CADM1: variants seen among roughly 807,000 people sequenced by gnomAD.
The protein encoded by CADM1 is TSLC-1.
Under a neutral mutation model 53.1 loss-of-function variants are expected in CADM1, and 15 were observed. That is an observed-to-expected ratio of 0.28 (90% CI 0.19 to 0.44). The LOEUF is 0.44. CADM1 is among the 20% of genes least tolerant of loss of function. The probability of loss-of-function intolerance (pLI) is 1.00; values close to 1 mark genes in which losing one functional copy is unlikely to be tolerated. For synonymous variants in CADM1, 281 were observed against 243.0 expected (o/e 1.16, Z -1.45); for missense variants, 434 against 611.3 (o/e 0.71, Z 3.06).
chr11:115,333,102 C>A, intron 1 of CADM1, among the ~76,000 whole-genome samples: 1 of 152,060 alleles, frequency 6.6e-6, no homozygotes. Flanking sequence ...TTAGCAAATT[C>A]CTCCCCTCTT....
intron 9 of CADM1, among the ~76,000 whole-genome samples, chr11:115,195,325 G>A (rs575095249): frequency 1.3e-5 from 2 of 152,152 alleles, no homozygotes; most frequent in East Asian, 3.9e-4. Flanking sequence ...ATAAACAACT[G>A]GTATAAACTT....
chr11:115,486,740 T>C (rs1292656269), intron 1 of CADM1, among the ~76,000 whole-genome samples: 1 of 152,206 alleles, frequency 6.6e-6, no homozygotes, highest in Non-Finnish European at 1.5e-5. Context: ...ATTTTAGTTT[T>C]CCTACCTGTA....
chr11:115,364,906 T>A (rs1946119414), intron 1 of CADM1, among the ~76,000 whole-genome samples: 1 of 152,254 alleles, frequency 6.6e-6, no homozygotes, highest in East Asian at 1.9e-4. Context: ...CTTAGCTATA[T>A]CTGGCTTTTC....
At chr11:115,406,160 A>C (rs1947307370) in intron 1 of CADM1, among the ~76,000 whole-genome samples, 1 of 152,184 alleles carries the variant, frequency 6.6e-6, no homozygotes, top group African/African-American at 2.4e-5. Context: ...TGGTATCTTT[A>C]GACCCCATAT....
At chr11:115,387,240 A>T (rs1946721493) in intron 1 of CADM1, among the ~76,000 whole-genome samples, 1 of 152,236 alleles carries the variant, frequency 6.6e-6, no homozygotes, top group Non-Finnish European at 1.5e-5. Flanking sequence ...CCCATTTGCT[A>T]TAAATAAATG....
At chr11:115,405,381 T>G (rs765841936) in intron 1 of CADM1, among the ~76,000 whole-genome samples, 3 of 152,216 alleles carry the variant, frequency 2.0e-5, no homozygotes, top group African/African-American at 7.2e-5. Context: ...ACAGCACCTA[T>G]GCTACCAGCC....
intron 1 of CADM1, among the ~76,000 whole-genome samples, chr11:115,323,890 G>GAAAAA (rs200056022): frequency 2.1e-5 from 3 of 145,014 alleles, no homozygotes; most frequent in African/African-American, 2.5e-5. Flanking sequence ...TACGAAAAAG[G>GAAAAA]AAAAAAAAAA....
chr11:115,478,549 T>C, intron 1 of CADM1, among the ~76,000 whole-genome samples: 1 of 151,986 alleles, frequency 6.6e-6, no homozygotes, highest in East Asian at 1.9e-4. Context: ...TTAGACCCTT[T>C]AAATACAGCT....
intron 10 of CADM1, among the ~76,000 whole-genome samples, chr11:115,188,109 C>A (rs1174137757): frequency 6.6e-6 from 1 of 152,142 alleles, no homozygotes; most frequent in African/African-American, 2.4e-5. Context: ...CCCCAAGGCC[C>A]CTCCACTGCT....
intron 11 of CADM1, among the ~76,000 whole-genome samples, chr11:115,177,277 T>C (rs1939080291): frequency 6.6e-6 from 1 of 152,220 alleles, no homozygotes; most frequent in Non-Finnish European, 1.5e-5. Flanking sequence ...CCCGGATTCA[T>C]GGATTTGCTA....
At chr11:115,274,540 A>G (rs1943391122) in intron 1 of CADM1, among the ~76,000 whole-genome samples, 1 of 152,222 alleles carries the variant, frequency 6.6e-6, no homozygotes, top group Non-Finnish European at 1.5e-5. Flanking sequence ...GCCATTGGCA[A>G]TGTTTCTGTC....
chr11:115,432,489 A>G (rs1948081241), intron 1 of CADM1, among the ~76,000 whole-genome samples: 1 of 152,234 alleles, frequency 6.6e-6, no homozygotes, highest in Admixed American at 6.5e-5. Flanking sequence ...CCCACTTGGC[A>G]TCTCAGCATC....
At chr11:115,460,005 T>C (rs1200267795) in intron 1 of CADM1, among the ~76,000 whole-genome samples, 1 of 152,162 alleles carries the variant, frequency 6.6e-6, no homozygotes, top group African/African-American at 2.4e-5. Context: ...GAACTGAAAA[T>C]GTACTTAGGT....
At chr11:115,315,477 T>A (rs1944639941) in intron 1 of CADM1, among the ~76,000 whole-genome samples, 1 of 152,104 alleles carries the variant, frequency 6.6e-6, no homozygotes, top group Non-Finnish European at 1.5e-5. Flanking sequence ...GAGAACAGAT[T>A]CTGTTTTACT....
At chr11:115,344,624 G>A (rs1369840797) in intron 1 of CADM1, among the ~76,000 whole-genome samples, 2 of 152,108 alleles carry the variant, frequency 1.3e-5, no homozygotes, top group African/African-American at 4.8e-5. Flanking sequence ...GGGAGCCACT[G>A]CCATTGACTG....
chr11:115,186,183 G>A (rs1306524226), intron 10 of CADM1, among the ~76,000 whole-genome samples: 1 of 152,110 alleles, frequency 6.6e-6, no homozygotes, highest in African/African-American at 2.4e-5. Context: ...TTTTAAAAGG[G>A]AATTGATGTG....
intron 1 of CADM1, among the ~76,000 whole-genome samples, chr11:115,338,748 C>T (rs1945332661): frequency 6.6e-6 from 1 of 152,008 alleles, no homozygotes; most frequent in African/African-American, 2.4e-5. Context: ...TCCAAATATT[C>T]AAATTTCTTA....
intron 8 of CADM1, among the ~76,000 whole-genome samples, chr11:115,208,840 G>C (rs980226567): frequency 6.6e-5 from 10 of 152,278 alleles, no homozygotes; most frequent in African/African-American, 2.4e-4. Flanking sequence ...CTGGATGCCA[G>C]GAAGGGCTGG....
chr11:115,184,453 A>G (rs1296788839), intron 10 of CADM1, among the ~76,000 whole-genome samples: 2 of 152,240 alleles, frequency 1.3e-5, no homozygotes, highest in African/African-American at 2.4e-5. Flanking sequence ...GATGCTACAA[A>G]TCCTTCTGAC....
Sources: allele counts gnomAD v4.1 joint callset (sites outside exome capture counted in the v4.1 genomes callset), GRCh38; gene constraint gnomAD v4.1.1; transcripts MANE v1.5; gene names NCBI Gene and HGNC (gene_info 2026-07-23, HGNC 2026-07-21).